The following MCPH1 variants were observed in gnomAD, a reference collection of about 807,000 sequenced individuals.
MCPH1 encodes microcephalin 1.
In MCPH1, 104 loss-of-function variants were observed where a neutral mutation model predicts 84.5. That is an observed-to-expected ratio of 1.23 (90% CI 1.05 to 1.45). The LOEUF is 1.45. Ranked by LOEUF, MCPH1 falls within the 40% of genes most tolerant of loss-of-function variation. The probability of loss-of-function intolerance (pLI) is 0.00; values close to 1 mark genes in which losing one functional copy is unlikely to be tolerated. For missense variants in MCPH1, 1,498 were observed against 1,005.7 expected (o/e 1.49, Z -6.62); for synonymous variants, 514 against 366.8 (o/e 1.40, Z -4.58).
At chr8:6,424,688 G>T (rs1800797351) in intron 3 of MCPH1, among the ~76,000 whole-genome samples, 1 of 152,202 alleles carries the variant, frequency 6.6e-6, no homozygotes, top group Non-Finnish European at 1.5e-5. Flanking sequence ...TAGCCATTTA[G>T]GACTGGGCAA....
At chr8:6,524,934 G>C (rs1818047581) in intron 12 of MCPH1, among the ~76,000 whole-genome samples, 1 of 152,218 alleles carries the variant, frequency 6.6e-6, no homozygotes, top group Admixed American at 6.5e-5. Context: ...ATGGCTTCCT[G>C]TGTCACAAGG....
chr8:6,610,344 C>G (rs764025347), intron 12 of MCPH1, among the ~76,000 whole-genome samples: 11 of 152,196 alleles, frequency 7.2e-5, no homozygotes, highest in Non-Finnish European at 1.5e-5. Context: ...TGACATTTAA[C>G]TTTTACTTAA....
intron 12 of MCPH1, chr8:6,620,088 C>A (rs1971313): frequency 3.3e-5 from 5 of 152,156 alleles, no homozygotes; most frequent in Non-Finnish European, 7.3e-5. Flanking sequence ...AAATCAGTAG[C>A]CCTTTCCACT....
chr8:6,474,208 A>G, intron 9 of MCPH1: 1 of 688,348 alleles, frequency 1.5e-6, no homozygotes, highest in Non-Finnish European at 2.7e-6. Flanking sequence ...TGGGACAATT[A>G]TACTCTTCAT....
intron 12 of MCPH1, among the ~76,000 whole-genome samples, chr8:6,592,184 G>T (rs1004479802): frequency 5.3e-5 from 8 of 152,072 alleles, no homozygotes; most frequent in African/African-American, 1.9e-4. Flanking sequence ...ACAGGACCTT[G>T]TTCTGTCACC....
intron 3 of MCPH1, among the ~76,000 whole-genome samples, chr8:6,422,093 T>C (rs1202955861): frequency 1.3e-5 from 2 of 152,244 alleles, no homozygotes; most frequent in Non-Finnish European, 2.9e-5. Flanking sequence ...TTAAAACTTA[T>C]TTTGTTCATT....
At chr8:6,433,905 T>C (rs1439162164) in intron 4 of MCPH1, among the ~76,000 whole-genome samples, 1 of 152,110 alleles carries the variant, frequency 6.6e-6, no homozygotes, top group African/African-American at 2.4e-5. Flanking sequence ...CCTGCCCAGC[T>C]TGCTGTTCCT....
At chr8:6,640,786 C>T (rs1261353671) in intron 13 of MCPH1, among the ~76,000 whole-genome samples, 3 of 152,186 alleles carry the variant, frequency 2.0e-5, no homozygotes, top group African/African-American at 4.8e-5. Flanking sequence ...ATCTCATATT[C>T]TCCTATTTAT....
At chr8:6,490,930 G>A (rs1010041189) in intron 11 of MCPH1, among the ~76,000 whole-genome samples, 7 of 118,378 alleles carry the variant, frequency 5.9e-5, no homozygotes, top group African/African-American at 2.2e-4. Flanking sequence ...AACAAGCATT[G>A]TATATATTAA....
At chr8:6,420,014 T>C (rs557240080) in intron 3 of MCPH1, among the ~76,000 whole-genome samples, 1 of 152,164 alleles carries the variant, frequency 6.6e-6, no homozygotes, top group Admixed American at 6.5e-5. Flanking sequence ...TCAGTTCTGC[T>C]GTCTTGCATA....
At chr8:6,530,784 C>A (rs1012220822) in intron 12 of MCPH1, among the ~76,000 whole-genome samples, 1 of 152,086 alleles carries the variant, frequency 6.6e-6, no homozygotes, top group Non-Finnish European at 1.5e-5. Flanking sequence ...TCTATCATTT[C>A]ACTACTGTTT....
intron 13 of MCPH1, chr8:6,626,183 GCCAC>G (rs1467825181): frequency 1.0e-6 from 1 of 985,304 alleles, no homozygotes; most frequent in East Asian, 1.1e-4. Context: ...CAGCTCGCCC[GCCAC>G]CCCAGCTGCC....
Position 6,445,149 on chromosome 8 carries a change from T to G in MCPH1, c.1427T>G (p.Phe476Cys), listed in dbSNP as rs781064619. Residue 476 changes from phenylalanine (F) to cysteine (C), a missense_variant, in exon 8 of 14, where the codon TTC becomes TGC. Physicochemically the swap from Phe to Cys is radical, Grantham distance 205. Transcript: ENST00000344683. ...KKTRTVDITN[F>C]TAKTISSPRK... Reference sequence around the variant, plus strand: ...ACCAGAACAGTTGACATTACCAATTTCACAGCAAAAACCATCTCCAGTCCT... The same window carrying G: ...ACCAGAACAGTTGACATTACCAATTGCACAGCAAAAACCATCTCCAGTCCT... 3.7e-6 allele frequency: 6 copies of G among 1,614,106 alleles called. No homozygotes were observed. The highest frequency in any genetic ancestry group is 2.7e-5 in the African/African-American group (2 of 74,930).
At chr8:6,410,787 C>T (rs906325317) in intron 2 of MCPH1, among the ~76,000 whole-genome samples, 1 of 152,132 alleles carries the variant, frequency 6.6e-6, no homozygotes, top group African/African-American at 2.4e-5. Context: ...AAATGAAGTA[C>T]ATGATCTGCA....
At chr8:6,494,449 C>G (rs1811012903) in intron 11 of MCPH1, 1 of 152,154 alleles carries the variant, frequency 6.6e-6, no homozygotes, top group African/African-American at 2.4e-5. Flanking sequence ...TACACCGTAG[C>G]TGTGTAACCT....
intron 12 of MCPH1, among the ~76,000 whole-genome samples, chr8:6,612,795 G>A (rs1586799548): frequency 1.3e-5 from 2 of 152,246 alleles, no homozygotes; most frequent in South Asian, 4.1e-4. Context: ...ACTGAGAACC[G>A]CCTGTGAACC....
intron 12 of MCPH1, among the ~76,000 whole-genome samples, chr8:6,522,638 G>A (rs1232456128): frequency 6.6e-6 from 1 of 151,758 alleles, no homozygotes; most frequent in Non-Finnish European, 1.5e-5. Context: ...GCCAAGCGTG[G>A]GGGTACATGA....
chr8:6,417,347 G>A (rs933028192), intron 3 of MCPH1, among the ~76,000 whole-genome samples: 8 of 152,204 alleles, frequency 5.3e-5, no homozygotes, highest in African/African-American at 1.9e-4. Flanking sequence ...CTCTTGTGGT[G>A]TGAAAGGCGT....
At chr8:6,477,014 C>T (rs997755761) in intron 9 of MCPH1, among the ~76,000 whole-genome samples, 26 of 151,756 alleles carry the variant, frequency 1.7e-4, no homozygotes, top group African/African-American at 6.3e-4. Context: ...TTTTGCAAGT[C>T]AGCGTGCATT....
Sources: gnomAD v4.1 joint callset for allele counts (sites outside exome capture counted in the v4.1 genomes callset) on GRCh38, gnomAD v4.1.1 for gene constraint, MANE v1.5 for transcripts, NCBI Gene and HGNC (gene_info 2026-07-23, HGNC 2026-07-21) for gene names.